SLC24A2: variants seen among roughly 807,000 people sequenced by gnomAD.
SLC24A2 encodes solute carrier family 24 member 2.
A neutral mutation model predicts 62.0 loss-of-function variants in SLC24A2; 36 were observed. The observed-to-expected ratio is 0.58, with a 90% confidence interval of 0.44 to 0.77. The LOEUF (loss-of-function observed/expected upper bound fraction) is 0.77, where lower values mean the gene tolerates loss of function less well. Among genes scored for constraint, SLC24A2 ranks in the 30% least tolerant of loss-of-function variants. The pLI is 0.00. For missense variants in SLC24A2, 846 were observed against 817.9 expected (o/e 1.03, Z -0.42); for synonymous variants, 358 against 294.0 (o/e 1.22, Z -2.23).
At chr9:19,792,758 G>A (rs1415843531), upstream of SLC24A2, among the ~76,000 whole-genome samples, 1 of 151,666 alleles carries the variant, frequency 6.6e-6, no homozygotes, top group African/African-American at 2.4e-5. Context: ...GCAACCCAGG[G>A]ACAAAATAAA....
intron 2 of SLC24A2, among the ~76,000 whole-genome samples, chr9:19,729,680 G>T (rs1464406873): frequency 1.3e-5 from 2 of 152,046 alleles, no homozygotes; most frequent in Admixed American, 1.3e-4. Flanking sequence ...TCTCATAGAA[G>T]TAAAAAGAAG....
intron 2 of SLC24A2, among the ~76,000 whole-genome samples, chr9:19,739,579 T>A (rs1821612828): frequency 6.6e-6 from 1 of 152,200 alleles, no homozygotes; most frequent in African/African-American, 2.4e-5. Flanking sequence ...TAATAATCTT[T>A]TCAATAAATA....
At chr9:20,072,527 A>C in the SLC24A2 span, among the ~76,000 whole-genome samples, 1 of 152,210 alleles carries the variant, frequency 6.6e-6, no homozygotes, top group Non-Finnish European at 1.5e-5. Flanking sequence ...GATCTATATA[A>C]TATATTGTGA....
the SLC24A2 span, among the ~76,000 whole-genome samples, chr9:20,039,723 G>C: frequency 6.6e-6 from 1 of 152,106 alleles, no homozygotes; most frequent in African/African-American, 2.4e-5. Context: ...TCAGTTGTAA[G>C]AATTGGAGAA....
At chr9:20,204,674 A>G in the SLC24A2 span, among the ~76,000 whole-genome samples, 1 of 152,234 alleles carries the variant, frequency 6.6e-6, no homozygotes, top group East Asian at 1.9e-4. Flanking sequence ...CATACTTACA[A>G]TGAAACAAAT....
the SLC24A2 span, among the ~76,000 whole-genome samples, chr9:20,234,072 T>G: frequency 1.3e-5 from 2 of 152,260 alleles, no homozygotes; most frequent in African/African-American, 4.8e-5. Context: ...TCTTCTGGCT[T>G]GGAGAGTTTC....
At chr9:19,999,335 G>A in the SLC24A2 span, among the ~76,000 whole-genome samples, 6 of 152,272 alleles carry the variant, frequency 3.9e-5, no homozygotes, top group East Asian at 9.6e-4. Context: ...GTGTCCTTGG[G>A]CCTGAGTTTC....
chr9:20,210,195 G>A, the SLC24A2 span, among the ~76,000 whole-genome samples: 1 of 152,160 alleles, frequency 6.6e-6, no homozygotes, highest in Non-Finnish European at 1.5e-5. Flanking sequence ...TGGGGGACAG[G>A]TTTAACACCC....
the SLC24A2 span, among the ~76,000 whole-genome samples, chr9:20,140,475 G>A: frequency 4.6e-5 from 7 of 152,292 alleles, no homozygotes; most frequent in East Asian, 1.2e-3. Flanking sequence ...ATTCCCTTGT[G>A]AAGACTCAGG....
At chr9:19,570,523 C>A (rs1178870807) in intron 7 of SLC24A2, among the ~76,000 whole-genome samples, 1 of 152,134 alleles carries the variant, frequency 6.6e-6, no homozygotes, top group East Asian at 1.9e-4. Flanking sequence ...TTATTTATAC[C>A]CTGAATACTC....
chr9:19,887,378 G>A, the SLC24A2 span, among the ~76,000 whole-genome samples: 1 of 152,176 alleles, frequency 6.6e-6, no homozygotes, highest in South Asian at 2.1e-4. Context: ...TGTTGATAGT[G>A]TCTTTTGCTG....
At chr9:19,636,819 T>A (rs1196587780) in intron 2 of SLC24A2, among the ~76,000 whole-genome samples, 1 of 152,142 alleles carries the variant, frequency 6.6e-6, no homozygotes. Flanking sequence ...TCTAGTTTTG[T>A]GTGTATACAA....
chr9:19,936,384 C>T, the SLC24A2 span, among the ~76,000 whole-genome samples: 1 of 152,168 alleles, frequency 6.6e-6, no homozygotes, highest in East Asian at 1.9e-4. Context: ...AGCCATCCTC[C>T]TTCTTCAGCC....
the SLC24A2 span, among the ~76,000 whole-genome samples, chr9:20,261,182 C>A: frequency 2.6e-5 from 4 of 152,120 alleles, no homozygotes; most frequent in Non-Finnish European, 4.4e-5. Flanking sequence ...TATGCCTTTG[C>A]ATTCTCATAG....
At chr9:20,047,492 G>C in the SLC24A2 span, among the ~76,000 whole-genome samples, 2 of 150,714 alleles carry the variant, frequency 1.3e-5, no homozygotes, top group African/African-American at 4.9e-5. Context: ...AAATACCAAA[G>C]ACTGGGTGGC....
At chr9:19,553,326 T>C (rs1411725389) in intron 7 of SLC24A2, among the ~76,000 whole-genome samples, 2 of 152,228 alleles carry the variant, frequency 1.3e-5, no homozygotes, top group Admixed American at 1.3e-4. Context: ...AGTTGTGGTA[T>C]GCTGGCTTTG....
chr9:20,050,311 G>A, the SLC24A2 span, among the ~76,000 whole-genome samples: 1 of 151,782 alleles, frequency 6.6e-6, no homozygotes, highest in Non-Finnish European at 1.5e-5. Context: ...AGCTACCTGG[G>A]AGGCTGAAGC....
At chr9:19,875,834 C>A in the SLC24A2 span, among the ~76,000 whole-genome samples, 1 of 152,194 alleles carries the variant, frequency 6.6e-6, no homozygotes, top group African/African-American at 2.4e-5. Flanking sequence ...GAATGACACA[C>A]TGCTTCAGAT....
At chr9:20,227,525 C>T in the SLC24A2 span, among the ~76,000 whole-genome samples, 1 of 133,472 alleles carries the variant, frequency 7.5e-6, no homozygotes, top group South Asian at 2.8e-4. Context: ...AGAAAAGGCT[C>T]ACACATTTCT....
Sources: allele counts gnomAD v4.1 joint callset (sites outside exome capture counted in the v4.1 genomes callset), GRCh38; gene constraint gnomAD v4.1.1; transcripts MANE v1.5; gene names NCBI Gene and HGNC (gene_info 2026-07-23, HGNC 2026-07-21).